Variants in HIPK3 observed in about 807,000 individuals in gnomAD.
HIPK3 encodes the protein homeodomain-interacting protein kinase 3.
In HIPK3, 47 loss-of-function variants were observed where a neutral mutation model predicts 124.2. The ratio of observed to expected loss-of-function variants is 0.38; its 90% CI spans 0.30 to 0.48. The LOEUF (loss-of-function observed/expected upper bound fraction) is 0.48, where lower values mean the gene tolerates loss of function less well. Ranked by LOEUF, HIPK3 falls within the 20% of genes least tolerant of loss-of-function variation. The pLI is 0.98. For missense variants in HIPK3, 1,286 were observed against 1,454.3 expected, an observed-to-expected ratio of 0.88 and a Z score of 1.88; for synonymous variants, 482 against 515.2, an observed-to-expected ratio of 0.94 and a Z score of 0.87.
At position 33,337,211 on chromosome 11, in the gene HIPK3, T is replaced by C. The variant is rs773997615; in HGVS notation, c.1341+17T>C. On this transcript the variant is annotated intron_variant, in intron 4 of 16. Transcript: ENST00000303296. ...AGATTAAAGGTAATTCATTAAAAAA[T>C]AGAATATTTAGAAGACTAGTTTTCT... 6.9e-7 allele frequency: 1 copy of C among 1,447,128 alleles called. No individual in the cohort carries two copies. The highest frequency in any genetic ancestry group is 9.5e-7 in the Non-Finnish European group (1 of 1,050,404). The allele number at this position is 1,447,128 out of a possible 1,614,324, so 89.6% of individuals were successfully genotyped here. A position where few individuals can be genotyped will look rare whatever the true frequency, so the allele number is the denominator to read the frequency against.
At chr11:33,285,677 T>C (rs1459520482) in intron 1 of HIPK3, among the ~76,000 whole-genome samples, 1 of 152,058 alleles carries the variant, frequency 6.6e-6, no homozygotes, top group Non-Finnish European at 1.5e-5. Context: ...ATAAACTATG[T>C]TTATATAATG....
chr11:33,341,659 T>C lies in HIPK3; in HGVS notation c.1870T>C (p.Leu624=), dbSNP rs752870250. 10 of 1,613,334 alleles carry C rather than the reference T, an allele frequency of 6.2e-6. No homozygotes were observed. The East Asian group carries it at 2.2e-4, about 36-fold the overall frequency. Residue 624 remains leucine (L), a synonymous_variant, in exon 8 of 17, where the codon TTG becomes CTG. Coordinates refer to ENST00000303296, the MANE Select transcript of HIPK3 (RefSeq NM_005734.5). ...FGCGDAFQQT[L]IICPPAIQGI... ...TTGTGGTGATGCTTTTCAGCAGACA[T>C]TGATTATCTGTCCCCCAGCTATTCA...
At chr11:33,308,995 A>G (rs1852247900) in intron 2 of HIPK3, among the ~76,000 whole-genome samples, 1 of 152,104 alleles carries the variant, frequency 6.6e-6, no homozygotes, top group East Asian at 1.9e-4. Flanking sequence ...AATAAAAAGG[A>G]TGGATTTGTG....
chr11:33,279,432 T>C (rs989698669), intron 1 of HIPK3, among the ~76,000 whole-genome samples: 12 of 152,018 alleles, frequency 7.9e-5, no homozygotes, highest in African/African-American at 2.7e-4. Context: ...GGCAAATAAA[T>C]TGAATATAAC....
intron 1 of HIPK3, among the ~76,000 whole-genome samples, chr11:33,259,576 A>C (rs1438749615): frequency 1.3e-5 from 2 of 152,222 alleles, no homozygotes; most frequent in African/African-American, 4.8e-5. Context: ...TAAGTCAATG[A>C]AATATTTCTT....
In HIPK3 at chr11:33,348,008, G is replaced by A. The variant is rs771001627; in HGVS notation, c.2301G>A (p.Gln767=). ...CTACCAAGAAAAATAAACAGTGCCA[G>A]AACAGGTTGGTATTGGTGCTTTAGC... is the stretch of plus-strand genomic sequence containing the variant. ...PATTKKNKQC[Q]NRGILVKLME... is the part of the protein sequence containing the mutation. Residue 767 remains glutamine, a synonymous_variant, in exon 11 of 17, where the codon CAG becomes CAA. Transcript: ENST00000303296. The A allele has an allele frequency of 3.1e-6, 5 of 1,614,178 alleles. No individual in the cohort carries two copies. The highest frequency in any genetic ancestry group is 4.2e-6 in the Non-Finnish European group (5 of 1,180,026).
rs1371667448 is a variant in HIPK3 at position 33,341,584 on chromosome 11, T to A, written c.1795T>A (p.Ser599Thr). Reference protein sequence around the residue: ...RSQALTTSAHSVVHHGIPLQA... With the variant: ...RSQALTTSAHTVVHHGIPLQA... ...TCAGGCATTGACCACATCTGCTCAT[T>A]CAGTTGTGCACCATGGAATACCTCT... The change falls in exon 8 of 17, where the codon TCA becomes ACA. Residue 599 changes from serine (S) to threonine (T), a missense_variant. Ser to Thr is a moderately conservative substitution (Grantham distance 58). Coordinates refer to ENST00000303296, the MANE Select transcript of HIPK3 (RefSeq NM_005734.5). The A allele has an allele frequency of 6.2e-7, 1 of 1,612,026 alleles. No homozygotes were observed. The highest frequency in any genetic ancestry group is 1.3e-5 in the African/African-American group (1 of 74,868).
At chr11:33,335,944 T>C (rs1853132158) in intron 3 of HIPK3, among the ~76,000 whole-genome samples, 1 of 152,170 alleles carries the variant, frequency 6.6e-6, no homozygotes, top group South Asian at 2.1e-4. Flanking sequence ...CAGGGCCTAC[T>C]GTGTACCATG....
At chr11:33,335,293 A>T (rs1853108084) in intron 3 of HIPK3, among the ~76,000 whole-genome samples, 1 of 152,152 alleles carries the variant, frequency 6.6e-6, no homozygotes, top group South Asian at 2.1e-4. Context: ...GTAGAGGGAA[A>T]AAAGAAAGAC....
In HIPK3 at chr11:33,347,683, C is replaced by A. The variant is rs181305871; in HGVS notation, c.2074C>A (p.Pro692Thr). The change falls in exon 10 of 17, where the codon CCC (proline) becomes ACC (threonine). Residue 692 changes from proline to threonine, a missense_variant. Physicochemically the swap from Pro to Thr is conservative, Grantham distance 38 (BLOSUM62 -1). This residue lies in a region of HIPK3 where 810 missense variants were observed against 864.9 expected (regional missense o/e 0.94). Transcript: ENST00000303296. ...GGTGCCTGCCTGGCAACAGGTGACA[C>A]CCCTGGCTCCTGCTACTACTACACT... is the stretch of plus-strand genomic sequence containing the variant. Reference protein sequence around the residue: ...MLVPAWQQVTPLAPATTTLTS... With the variant: ...MLVPAWQQVTTLAPATTTLTS... The A allele has an allele frequency of 6.8e-6, 11 of 1,614,024 alleles. No individual in the cohort carries two copies. The highest frequency in any genetic ancestry group is 1.7e-5 in the Admixed American group (1 of 60,004).
At chr11:33,315,450 C>G (rs1288946798) in intron 2 of HIPK3, among the ~76,000 whole-genome samples, 2 of 152,218 alleles carry the variant, frequency 1.3e-5, no homozygotes, top group Non-Finnish European at 2.9e-5. Context: ...TGGTCTTGAT[C>G]TCCTGACCTC....
chr11:33,292,026 A>G lies in HIPK3; in HGVS notation c.1097+4515A>G, dbSNP rs190264397. Among the ~76,000 whole-genome samples the G allele has an allele frequency of 9.8e-5, 15 of 152,330 alleles. No homozygotes were observed. In the East Asian group the frequency reaches 2.9e-3, roughly 29 times the overall value. On this transcript the variant is annotated intron_variant, in intron 2 of 16. Coordinates refer to ENST00000303296, the MANE Select transcript of HIPK3 (RefSeq NM_005734.5). ...CAGAAGTATCAAAGTTTCTGTAACA[A>G]AATTAAGCTACATAGGAAGACCCGT...
rs1012586273 is a variant in HIPK3 at position 33,263,719 on chromosome 11, T to C, written c.-3+5830T>C. On this transcript the variant is annotated intron_variant, in intron 1 of 16. Coordinates refer to ENST00000303296, the MANE Select transcript of HIPK3 (RefSeq NM_005734.5). ...TCAGTAGCCTGCTAAGTGATCAGTC[T>C]TGTGAAATAATAGCATCTCTGTTTA... Among the ~76,000 whole-genome samples, 6 of 152,228 alleles carry C rather than the reference T, an allele frequency of 3.9e-5. 1 individual carries two copies. Among genetic ancestry groups the C allele is most frequent in the Non-Finnish European group, 8.8e-5 (6 of 68,040 alleles).
intron 2 of HIPK3, among the ~76,000 whole-genome samples, chr11:33,301,821 G>GACACACACACAC (rs143389257): frequency 0.039 from 5,009 of 127,480 alleles, 221 homozygotes; most frequent in Middle Eastern, 0.055. Context: ...AACCCTGTCT[G>GACACACACACAC]ACACACACAC....
chr11:33,266,885 G>C (rs1448771752), intron 1 of HIPK3, among the ~76,000 whole-genome samples: 1 of 152,074 alleles, frequency 6.6e-6, no homozygotes, highest in African/African-American at 2.4e-5. Flanking sequence ...TAAACTGTAT[G>C]TTAATTTAAA....
intron 2 of HIPK3, among the ~76,000 whole-genome samples, chr11:33,288,550 A>G (rs1453806734): frequency 6.6e-6 from 1 of 152,176 alleles, no homozygotes; most frequent in South Asian, 2.1e-4. Context: ...CTATCCACAT[A>G]TATGCTATGG....
intron 3 of HIPK3, among the ~76,000 whole-genome samples, chr11:33,334,943 A>G (rs1365774048): frequency 6.6e-6 from 1 of 152,198 alleles, no homozygotes; most frequent in Non-Finnish European, 1.5e-5. Flanking sequence ...AGAATTGAAG[A>G]GGATCTGAGG....
At chr11:33,258,889 TATA>T (rs1180543805) in intron 1 of HIPK3, among the ~76,000 whole-genome samples, 1 of 152,032 alleles carries the variant, frequency 6.6e-6, no homozygotes, top group East Asian at 1.9e-4. Flanking sequence ...TGCTTCTAAT[TATA>T]ATAAGGGGCT....
At chr11:33,279,943 A>T (rs754044143) in intron 1 of HIPK3, among the ~76,000 whole-genome samples, 2 of 152,102 alleles carry the variant, frequency 1.3e-5, no homozygotes, top group Non-Finnish European at 1.5e-5. Flanking sequence ...AGCCCTCGTG[A>T]TCTACACCTC....
Sources: allele counts gnomAD v4.1 joint callset (sites outside exome capture counted in the v4.1 genomes callset), GRCh38; gene constraint gnomAD v4.1.1; regional missense constraint gnomAD v4.1.1; transcripts MANE v1.5; gene names NCBI Gene and HGNC (gene_info 2026-07-23, HGNC 2026-07-21).